ACSL5: variants seen among roughly 807,000 people sequenced by gnomAD.
ACSL5 encodes the protein long-chain-fatty-acid--CoA ligase 5.
In ACSL5, 50 loss-of-function variants were observed where a neutral mutation model predicts 84.9. The ratio of observed to expected loss-of-function variants is 0.59; its 90% CI spans 0.47 to 0.75. ACSL5 has a LOEUF of 0.75. Among genes scored for constraint, ACSL5 ranks in the 30% least tolerant of loss-of-function variants. The pLI is 0.00. For missense variants in ACSL5, 775 were observed against 830.4 expected (o/e 0.93, Z 0.82); for synonymous variants, 280 against 300.7 (o/e 0.93, Z 0.71).
intron 1 of ACSL5, chr10:112,376,554 A>G: frequency 1.3e-6 from 2 of 1,503,336 alleles, no homozygotes; most frequent in South Asian, 1.2e-5. Flanking sequence ...GCGACTTAGA[A>G]TCAAGGGCCG....
chr10:112,403,709 C>G (rs1427391160), intron 3 of ACSL5, among the ~76,000 whole-genome samples: 1 of 152,198 alleles, frequency 6.6e-6, no homozygotes, highest in East Asian at 1.9e-4. Flanking sequence ...GTATCAAAAG[C>G]CTGACTGTTC....
chr10:112,403,148 A>G (rs1324169667), intron 3 of ACSL5, among the ~76,000 whole-genome samples: 1 of 152,260 alleles, frequency 6.6e-6, no homozygotes, highest in African/African-American at 2.4e-5. Context: ...ATACTCTCAT[A>G]CAAATGGGCA....
intron 1 of ACSL5, among the ~76,000 whole-genome samples, chr10:112,390,737 A>G (rs1849544757): frequency 6.6e-6 from 1 of 152,224 alleles, no homozygotes; most frequent in Non-Finnish European, 1.5e-5. Flanking sequence ...ACATTGAGCC[A>G]TAAAAAGAAA....
chr10:112,390,160 C>T (rs1029003732), intron 1 of ACSL5, among the ~76,000 whole-genome samples: 2 of 152,042 alleles, frequency 1.3e-5, no homozygotes, highest in Non-Finnish European at 2.9e-5. Context: ...TATTGCAAAT[C>T]ATATCTCTGA....
At chr10:112,416,760 C>A (rs1844323699) in intron 12 of ACSL5, 128 bp from the exon 13 acceptor site, 2 of 1,022,200 alleles carry the variant, frequency 2.0e-6, no homozygotes, top group Non-Finnish European at 2.9e-6. Context: ...ATTCAGCAAT[C>A]CAATTCATGA....
chr10:112,427,469 T>A lies in ACSL5; in HGVS notation c.*111T>A. ...TTCCTCCTATTTTTTTTTAACCTGT[T>A]AAACTCTAAAGCCATAGCTTTTGTT... On this transcript the variant is annotated 3_prime_UTR_variant, in exon 21 of 21. Coordinates refer to ENST00000354655, the MANE Select transcript of ACSL5 (RefSeq NM_203379.2). 9.6e-7 allele frequency: 1 copy of A among 1,043,488 alleles called. No homozygotes were observed. The highest frequency in any genetic ancestry group is 1.3e-6 in the Non-Finnish European group (1 of 745,184). 64.6% of individuals were successfully genotyped at this position (1,043,488 alleles called of 1,614,324 possible). A position where few individuals can be genotyped will look rare whatever the true frequency, so the allele number is the denominator to read the frequency against.
intron 11 of ACSL5, chr10:112,412,784 G>A (rs1844211009): frequency 6.3e-6 from 1 of 158,448 alleles, no homozygotes; most frequent in Non-Finnish European, 1.4e-5. Context: ...ACGATTGAAG[G>A]CAGGTTCTGC....
At chr10:112,425,239 C>A in intron 17 of ACSL5, 99 bp from the exon 18 acceptor site, 1 of 1,115,868 alleles carries the variant, frequency 9.0e-7, no homozygotes, top group South Asian at 1.8e-5. Context: ...CTGGAGAAAT[C>A]AGCTTTAGAG....
intron 17 of ACSL5, chr10:112,424,652 A>G (rs1844601712): frequency 6.6e-6 from 1 of 152,246 alleles, no homozygotes; most frequent in Non-Finnish European, 1.5e-5. Context: ...TGATAGTTCC[A>G]GTGTTGGTTT....
chr10:112,378,343 T>C (rs1008141096), intron 1 of ACSL5, among the ~76,000 whole-genome samples: 34 of 139,606 alleles, frequency 2.4e-4, no homozygotes, highest in African/African-American at 8.7e-4. Flanking sequence ...GCCTCCCCAG[T>C]TCAAGCAATT....
chr10:112,405,715 C>T (rs1844019272), intron 5 of ACSL5, among the ~76,000 whole-genome samples: 1 of 152,080 alleles, frequency 6.6e-6, no homozygotes, highest in Non-Finnish European at 1.5e-5. Context: ...ACAGATAACC[C>T]CCCCAAAACT....
intron 17 of ACSL5, among the ~76,000 whole-genome samples, chr10:112,423,537 A>G (rs1248205565): frequency 4.0e-5 from 6 of 151,854 alleles, no homozygotes; most frequent in South Asian, 2.1e-4. Context: ...ACACTGTTAC[A>G]GAAGACACCA....
intron 5 of ACSL5, among the ~76,000 whole-genome samples, chr10:112,407,507 C>T (rs986590488): frequency 6.6e-6 from 1 of 152,126 alleles, no homozygotes; most frequent in Admixed American, 6.5e-5. Flanking sequence ...CAGGCATGAA[C>T]CACTGCACCC....
intron 16 of ACSL5, 24 bp from the exon 17 acceptor site, chr10:112,422,300 AC>A: frequency 6.3e-7 from 1 of 1,597,072 alleles, no homozygotes; most frequent in African/African-American, 1.3e-5. Flanking sequence ...TGCTATTGTC[AC>A]CGCCTTGTAT....
rs375481361 is a variant in ACSL5, at chr10:112,386,313, C to T, written c.-29-8605C>T. Among the ~76,000 whole-genome samples the T allele has an allele frequency of 6.6e-5, 10 of 150,810 alleles. No individual in the cohort carries two copies. In the South Asian group the frequency reaches 1.0e-3, roughly 16 times the overall value. ...GGTTCAAGCAATTCTCCTGCCTCAG[C>T]CTCCCTAGTAGCTGGGATTATAAGC... On this transcript the variant is annotated intron_variant, in intron 1 of 20. Coordinates refer to ENST00000354655, the MANE Select transcript of ACSL5 (RefSeq NM_203379.2).
At chr10:112,385,286 A>G (rs58854276) in intron 1 of ACSL5, among the ~76,000 whole-genome samples, 48,068 of 152,084 alleles carry the variant, frequency 0.32, 8,155 homozygotes, top group East Asian at 0.51. Flanking sequence ...AAAATGACCA[A>G]GAAGAGCTTG....
chr10:112,399,639 G>C (rs1172588306), intron 3 of ACSL5, among the ~76,000 whole-genome samples: 2 of 152,180 alleles, frequency 1.3e-5, no homozygotes, highest in African/African-American at 4.8e-5. Flanking sequence ...ACTTTTAAAA[G>C]CTGCTGGCTT....
chr10:112,382,863 C>T (rs1042139351), intron 1 of ACSL5, among the ~76,000 whole-genome samples: 5 of 152,188 alleles, frequency 3.3e-5, no homozygotes, highest in Non-Finnish European at 5.9e-5. Flanking sequence ...CGAATTGAAT[C>T]TTTCCATGGT....
Position 112,376,263 on chromosome 10 carries a change from C to T in ACSL5, c.-30+1994C>T. 3 of 1,612,996 alleles carry T rather than the reference C, an allele frequency of 1.9e-6. No homozygotes were observed. The South Asian group carries it at 3.3e-5, about 18-fold the overall frequency. The stretch of plus-strand genomic sequence containing the variant: ...TGACATGGCCTGACTCGGGACAGCT[C>T]AGAGCAGGGCAGAACTGGGGACACT... On this transcript the variant is annotated intron_variant, in intron 1 of 20. Transcript: ENST00000354655.
Sources: allele counts gnomAD v4.1 joint callset (sites outside exome capture counted in the v4.1 genomes callset), GRCh38; gene constraint gnomAD v4.1.1; transcripts MANE v1.5; gene names NCBI Gene and HGNC (gene_info 2026-07-23, HGNC 2026-07-21).